CHRNA4: variants seen among roughly 807,000 people sequenced by gnomAD.
CHRNA4 encodes neuronal acetylcholine receptor subunit alpha-4.
CHRNA4 carries 28 observed loss-of-function variants against 48.9 expected under a neutral mutation model. The ratio of observed to expected loss-of-function variants is 0.57; its 90% CI spans 0.42 to 0.79. The LOEUF is 0.79. CHRNA4 is among the 30% of genes least tolerant of loss of function. The probability of loss-of-function intolerance (pLI) is 0.00; values close to 1 mark genes in which losing one functional copy is unlikely to be tolerated. For synonymous variants in CHRNA4, 425 were observed against 402.3 expected (o/e 1.06, Z -0.68); for missense variants, 859 against 898.4 (o/e 0.96, Z 0.56).
At chr20:63,358,815 C>T (rs2068756843) in intron 2 of CHRNA4, among the ~76,000 whole-genome samples, 1 of 152,204 alleles carries the variant, frequency 6.6e-6, no homozygotes, top group Non-Finnish European at 1.5e-5. Context: ...CCTTACCCGG[C>T]CCCTCCAGGG....
chr20:63,359,224 G>A (rs572349023), intron 2 of CHRNA4, among the ~76,000 whole-genome samples: 34 of 152,150 alleles, frequency 2.2e-4, no homozygotes, highest in Non-Finnish European at 4.3e-4. Context: ...AGGTCACAGC[G>A]TGCCCCGCCA....
At chr20:63,354,790 C>T (rs1049130142) in intron 4 of CHRNA4, 24 of 276,086 alleles carry the variant, frequency 8.7e-5, no homozygotes, top group Non-Finnish European at 1.3e-4. Context: ...CAGGCGGATT[C>T]GGTGCATGGT....
intron 4 of CHRNA4, among the ~76,000 whole-genome samples, chr20:63,353,498 TA>T (rs1353029835): frequency 2.1e-3 from 67 of 31,596 alleles, no homozygotes; most frequent in Middle Eastern, 0.022. Flanking sequence ...GCTGTGGTCC[TA>T]GGGGGGGCTG....
At chr20:63,349,505 G>A in intron 5 of CHRNA4, 148 bp downstream of exon 5, 1 of 1,054,484 alleles carries the variant, frequency 9.5e-7, no homozygotes, top group Non-Finnish European at 1.4e-6. Context: ...TTGGGAAGAG[G>A]CTGCTGCAGC....
At chr20:63,348,432 G>A (rs2068529418) in intron 5 of CHRNA4, among the ~76,000 whole-genome samples, 1 of 152,250 alleles carries the variant, frequency 6.6e-6, no homozygotes, top group Non-Finnish European at 1.5e-5. Flanking sequence ...CAGTGGGGTG[G>A]CTGTGTGGGG....
At chr20:63,355,519 C>A in intron 4 of CHRNA4, 2 of 1,290,800 alleles carry the variant, frequency 1.5e-6, no homozygotes, top group Non-Finnish European at 2.0e-6. Flanking sequence ...ACCCTGCAGT[C>A]CACACTATTC....
chr20:63,355,383 C>T lies in CHRNA4; in HGVS notation c.383+592G>A, dbSNP rs1343177974. The T allele has an allele frequency of 9.3e-6, 6 of 646,936 alleles. No homozygotes were observed. The East Asian group carries it at 3.4e-4, about 37-fold the overall frequency. The allele number at this position is 646,936 out of a possible 1,614,324, so 40.1% of individuals were successfully genotyped here. A position where few individuals can be genotyped will look rare whatever the true frequency, so the allele number is the denominator to read the frequency against. ...GAGCCTGACATGGGCTTGGCCCAGC[C>T]CGAGGCTTTGTTTGTTTGCTGGGGA... On this transcript the variant is annotated intron_variant, in intron 4 of 5. Coordinates refer to ENST00000370263, the MANE Select transcript of CHRNA4 (RefSeq NM_000744.7).
chr20:63,346,389 A>G lies in CHRNA4; in HGVS notation c.*349T>C, dbSNP rs2123463000. On this transcript the variant is annotated 3_prime_UTR_variant, in exon 6 of 6. Coordinates refer to ENST00000370263, the MANE Select transcript of CHRNA4 (RefSeq NM_000744.7). ...TTGGGGCGGTCGGGACCATCACCAG[A>G]TCTGCTGAGAGACTGGGAGGAGTGA... The G allele has an allele frequency of 2.0e-6, 1 of 497,868 alleles. No individual in the cohort carries two copies. Among genetic ancestry groups the G allele is most frequent in the African/African-American group, 1.9e-5 (1 of 51,866 alleles). The allele number at this position is 497,868 out of a possible 1,614,324, so 30.8% of individuals were successfully genotyped here. A position where few individuals can be genotyped will look rare whatever the true frequency, so the allele number is the denominator to read the frequency against.
In CHRNA4 at chr20:63,350,901, G is replaced by A. The variant is rs121912247; in HGVS notation, c.510C>T (p.Phe170=). ...ATTTCATGGTGCAGTTCTGCTGGTC[G>A]AAGGGGAAGAAGGTGACGTCGATGC... ...SCSIDVTFFP[F]DQQNCTMKFG... is the part of the protein sequence containing the mutation. Residue 170 remains phenylalanine, a synonymous_variant, in exon 5 of 6, where the codon TTC becomes TTT. Coordinates refer to ENST00000370263, the MANE Select transcript of CHRNA4 (RefSeq NM_000744.7). The A allele has an allele frequency of 4.6e-5, 74 of 1,613,924 alleles. No homozygotes were observed. The highest frequency in any genetic ancestry group is 5.7e-5 in the Non-Finnish European group (67 of 1,180,036).
At chr20:63,353,600 C>T (rs1184895623) in intron 4 of CHRNA4, among the ~76,000 whole-genome samples, 1 of 85,786 alleles carries the variant, frequency 1.2e-5, no homozygotes, top group Admixed American at 1.3e-4. Context: ...GACTGCAGTC[C>T]TAGGGGGCTG....
At chr20:63,358,337 T>C (rs890852711) in intron 2 of CHRNA4, among the ~76,000 whole-genome samples, 7 of 152,312 alleles carry the variant, frequency 4.6e-5, no homozygotes, top group Admixed American at 1.3e-4. Flanking sequence ...CAGCCTGGGA[T>C]AGTGAAGCAG....
At chr20:63,359,490 CT>C (rs1335020574) in intron 2 of CHRNA4, 57 bp downstream of exon 2, 10 of 1,607,850 alleles carry the variant, frequency 6.2e-6, no homozygotes, top group Middle Eastern at 1.7e-4. Flanking sequence ...ACCCAGACCC[CT>C]GTGCTCCTTG....
intron 5 of CHRNA4, 123 bp from the exon 6 acceptor site, chr20:63,346,986 T>G: frequency 1.4e-6 from 2 of 1,427,544 alleles, no homozygotes; most frequent in Non-Finnish European, 1.9e-6. Context: ...AGGCAGCCAT[T>G]GCTGCTGGTG....
intron 2 of CHRNA4, chr20:63,359,339 C>A (rs1378453354): frequency 3.0e-6 from 2 of 661,540 alleles, no homozygotes; most frequent in African/African-American, 3.5e-5. Context: ...GAGGAAAGGG[C>A]AGGGCCTGGC....
At chr20:63,347,497 C>T (rs2068515069) in intron 5 of CHRNA4, among the ~76,000 whole-genome samples, 1 of 152,218 alleles carries the variant, frequency 6.6e-6, no homozygotes, top group Non-Finnish European at 1.5e-5. Context: ...CTTCTAACCC[C>T]ACACTCCTGG....
chr20:63,348,857 G>A (rs1405810848), intron 5 of CHRNA4, among the ~76,000 whole-genome samples: 1 of 152,148 alleles, frequency 6.6e-6, no homozygotes, highest in Non-Finnish European at 1.5e-5. Flanking sequence ...CTGGTGCTGG[G>A]GTCAGGCAAA....
intron 5 of CHRNA4, among the ~76,000 whole-genome samples, chr20:63,347,286 G>A (rs45456692): frequency 0.05 from 7,660 of 152,284 alleles, 221 homozygotes; most frequent in Middle Eastern, 0.092. Flanking sequence ...CCCCCTCCCC[G>A]TTTTGCAGAT....
chr20:63,347,106 G>A (rs2068508310), intron 5 of CHRNA4, among the ~76,000 whole-genome samples: 3 of 152,200 alleles, frequency 2.0e-5, no homozygotes, highest in Admixed American at 2.0e-4. Flanking sequence ...TTGCAACCCT[G>A]GGAATTCTGG....
At chr20:63,355,486 G>A in intron 4 of CHRNA4, 1 of 1,285,572 alleles carries the variant, frequency 7.8e-7, no homozygotes, top group Non-Finnish European at 1.0e-6. Flanking sequence ...ACCATCTGGG[G>A]CTTCCTCACC....
Sources: gnomAD v4.1 joint callset for allele counts (sites outside exome capture counted in the v4.1 genomes callset) on GRCh38, gnomAD v4.1.1 for gene constraint, MANE v1.5 for transcripts, NCBI Gene and HGNC (gene_info 2026-07-23, HGNC 2026-07-21) for gene names.